Variants in ADARB2 observed in about 807,000 individuals in gnomAD.
The protein encoded by ADARB2 is adenosine deaminase RNA specific B2 (inactive), also known as inactive double-stranded RNA-specific editase B2.
Under a neutral mutation model 62.2 loss-of-function variants are expected in ADARB2, and 25 were observed. That is an observed-to-expected ratio of 0.40 (90% confidence interval 0.29 to 0.56). The LOEUF (loss-of-function observed/expected upper bound fraction) is 0.56. Among genes scored for constraint, ADARB2 ranks in the 20% least tolerant of loss-of-function variants. The probability of loss-of-function intolerance (pLI) is 0.43; values close to 1 mark genes in which losing one functional copy is unlikely to be tolerated. For missense variants in ADARB2, 1,071 were observed against 1,077.4 expected, an observed-to-expected ratio of 0.99 and a Z score of 0.08; for synonymous variants, 572 against 500.8, an observed-to-expected ratio of 1.14 and a Z score of -1.90.
rs113285885 is a variant in ADARB2, at chr10:1,460,893, C to T, written c.101-81733G>A. On this transcript the variant is annotated intron_variant, in intron 1 of 9. Coordinates refer to ENST00000381312, the MANE Select transcript of ADARB2 (RefSeq NM_018702.4). Reference sequence around the variant, plus strand: ...CCTGCCTGTGACCTGAGTTTACCTGCGTTACGAACCTGCCTGTGACCTGAG... The same window carrying T: ...CCTGCCTGTGACCTGAGTTTACCTGTGTTACGAACCTGCCTGTGACCTGAG... Among the ~76,000 whole-genome samples the T allele has an allele frequency of 2.7e-3, 144 of 53,888 alleles. 17 individuals carry two copies. The highest frequency in any genetic ancestry group is 4.5e-3 in the Non-Finnish European group (114 of 25,092). The allele number at this position is 53,888 out of a possible 152,430, so 35.4% of individuals were successfully genotyped here. A position where few individuals can be genotyped will look rare whatever the true frequency, so the allele number is the denominator to read the frequency against.
intron 1 of ADARB2, among the ~76,000 whole-genome samples, chr10:1,715,805 G>A (rs1445991669): frequency 6.6e-6 from 1 of 152,248 alleles, no homozygotes; most frequent in East Asian, 1.9e-4. Flanking sequence ...CTGCCTTGCA[G>A]CACAGTTAGG....
chr10:1,573,438 G>A (rs1319068256), intron 1 of ADARB2, among the ~76,000 whole-genome samples: 4 of 152,188 alleles, frequency 2.6e-5, no homozygotes, highest in African/African-American at 9.7e-5. Flanking sequence ...GCGGAAACTG[G>A]TGAGGCCGAA....
chr10:1,242,786 T>A (rs1473170051), intron 4 of ADARB2, among the ~76,000 whole-genome samples: 1 of 81,260 alleles, frequency 1.2e-5, no homozygotes, highest in Non-Finnish European at 3.1e-5. Context: ...GGACAGGAGC[T>A]GATGAACCTG....
At chr10:1,719,354 C>G (rs1035116930) in intron 1 of ADARB2, among the ~76,000 whole-genome samples, 2 of 152,178 alleles carry the variant, frequency 1.3e-5, no homozygotes, top group African/African-American at 4.8e-5. Context: ...TCATTTTACA[C>G]CACTGATTCT....
chr10:1,193,837 T>A (rs1439841769), intron 8 of ADARB2, among the ~76,000 whole-genome samples: 1 of 152,276 alleles, frequency 6.6e-6, no homozygotes, highest in Non-Finnish European at 1.5e-5. Context: ...AGTGAGTTTG[T>A]CTTTCATTTC....
chr10:1,620,629 T>C (rs761809270), intron 1 of ADARB2, among the ~76,000 whole-genome samples: 12 of 152,346 alleles, frequency 7.9e-5, no homozygotes, highest in Middle Eastern at 3.4e-3. Flanking sequence ...ATTCAGTTGT[T>C]CTAATATTAT....
At chr10:1,262,249 A>G (rs1470504416) in intron 4 of ADARB2, among the ~76,000 whole-genome samples, 1 of 146,738 alleles carries the variant, frequency 6.8e-6, no homozygotes, top group Non-Finnish European at 1.5e-5. Context: ...ATATGTAACT[A>G]ACCTGCACAA....
intron 1 of ADARB2, among the ~76,000 whole-genome samples, chr10:1,483,976 A>G (rs953164823): frequency 3.3e-5 from 5 of 152,324 alleles, no homozygotes; most frequent in Admixed American, 2.0e-4. Context: ...AACAATGCAG[A>G]TACACATCAA....
At chr10:1,437,219 C>CAT (rs200361666) in intron 1 of ADARB2, among the ~76,000 whole-genome samples, 10,920 of 150,600 alleles carry the variant, frequency 0.073, 524 homozygotes, top group East Asian at 0.21. Flanking sequence ...ATTTGGTATA[C>CAT]ATATATATAT....
chr10:1,235,406 C>G (rs141528517), intron 5 of ADARB2, among the ~76,000 whole-genome samples: 1 of 69,608 alleles, frequency 1.4e-5, no homozygotes, highest in Admixed American at 1.5e-4. Context: ...CTGAGCAGCC[C>G]CACCTCTGCC....
intron 6 of ADARB2, among the ~76,000 whole-genome samples, chr10:1,226,977 T>C (rs1830753031): frequency 6.6e-6 from 1 of 152,236 alleles, no homozygotes. Context: ...GTCTTTTTGT[T>C]TGTCTGTTCC....
At chr10:1,475,200 C>T (rs1831382885) in intron 1 of ADARB2, among the ~76,000 whole-genome samples, 1 of 152,214 alleles carries the variant, frequency 6.6e-6, no homozygotes, top group African/African-American at 2.4e-5. Context: ...CTCTTCCTCC[C>T]AGACTGAAGC....
rs529661601 is a variant in ADARB2, at chr10:1,434,467, G to A, written c.101-55307C>T. Among the ~76,000 whole-genome samples the A allele has an allele frequency of 1.7e-3, 265 of 152,308 alleles. 3 individuals are homozygous for A. Among genetic ancestry groups the A allele is most frequent in the Admixed American group, 2.6e-3 (40 of 15,308 alleles). Reference sequence around the variant, plus strand: ...GTTTCAGTATTGACTGGGTGGTGAAGTTGAACATCAGAAGCCAGTGCCCTT... The same window carrying A: ...GTTTCAGTATTGACTGGGTGGTGAAATTGAACATCAGAAGCCAGTGCCCTT... On this transcript the variant is annotated intron_variant, in intron 1 of 9. Coordinates refer to ENST00000381312, the MANE Select transcript of ADARB2 (RefSeq NM_018702.4).
At chr10:1,598,490 G>C (rs1193874271) in intron 1 of ADARB2, among the ~76,000 whole-genome samples, 1 of 152,246 alleles carries the variant, frequency 6.6e-6, no homozygotes, top group Admixed American at 6.5e-5. Flanking sequence ...GCCTTGCTCA[G>C]ATGCCCACAG....
intron 3 of ADARB2, among the ~76,000 whole-genome samples, chr10:1,284,139 A>G (rs1233552059): frequency 1.3e-5 from 2 of 152,172 alleles, no homozygotes; most frequent in Non-Finnish European, 2.9e-5. Flanking sequence ...GTCAGACACG[A>G]TTATACCTGC....
chr10:1,417,296 G>A (rs990587077), intron 1 of ADARB2, among the ~76,000 whole-genome samples: 2 of 151,978 alleles, frequency 1.3e-5, no homozygotes, highest in African/African-American at 4.8e-5. Context: ...AGGAAGTGCA[G>A]AACAGACAGT....
At chr10:1,191,828 T>G (rs1306844863) in intron 8 of ADARB2, among the ~76,000 whole-genome samples, 1 of 152,124 alleles carries the variant, frequency 6.6e-6, no homozygotes, top group African/African-American at 2.4e-5. Flanking sequence ...ACACACACAA[T>G]CGTGTTAACA....
intron 1 of ADARB2, among the ~76,000 whole-genome samples, chr10:1,604,643 T>C (rs536246821): frequency 6.6e-6 from 1 of 152,372 alleles, no homozygotes; most frequent in East Asian, 1.9e-4. Flanking sequence ...ACATCTGCTG[T>C]ATATTCTCTT....
At position 1,713,301 on chromosome 10, in the gene ADARB2, T is replaced by G. The variant is rs141256572; in HGVS notation, c.100+23750A>C. 7.8e-3 allele frequency among the ~76,000 whole-genome samples: 1,191 copies of G among 152,226 alleles called. 8 individuals are homozygous for G. The highest frequency in any genetic ancestry group is 0.025 in the South Asian group (120 of 4,822). On this transcript the variant is annotated intron_variant, in intron 1 of 9. Coordinates refer to ENST00000381312, the MANE Select transcript of ADARB2 (RefSeq NM_018702.4). ...CAGCGCTTGGGATGAAATTCTCTCT[T>G]CCCCGGACCGGCATCCAACCACCTT...
Sources: allele counts gnomAD v4.1 joint callset (sites outside exome capture counted in the v4.1 genomes callset), GRCh38; gene constraint gnomAD v4.1.1; transcripts MANE v1.5; gene names NCBI Gene and HGNC (gene_info 2026-07-23, HGNC 2026-07-21).